Variants in TMED7 observed in about 807,000 individuals in gnomAD.
TMED7 encodes the protein transmembrane emp24 domain-containing protein 7.
In TMED7, 8 loss-of-function variants were observed where a neutral mutation model predicts 23.4. The ratio of observed to expected loss-of-function variants is 0.34; its 90% CI spans 0.20 to 0.62. The LOEUF is 0.62. Ranked by LOEUF, TMED7 falls within the 20% of genes least tolerant of loss-of-function variation. The pLI is 0.77. For missense variants in TMED7, 232 were observed against 279.1 expected, an observed-to-expected ratio of 0.83 and a Z score of 1.20; for synonymous variants, 121 against 108.5, an observed-to-expected ratio of 1.12 and a Z score of -0.72.
At chr5:115,621,480 T>C (rs1260701379) in intron 1 of TMED7, among the ~76,000 whole-genome samples, 1 of 152,188 alleles carries the variant, frequency 6.6e-6, no homozygotes, top group African/African-American at 2.4e-5. Flanking sequence ...ACAACAAGTC[T>C]GTTTATCTAG....
At chr5:115,623,401 A>G (rs1432965332) in intron 1 of TMED7, among the ~76,000 whole-genome samples, 1 of 152,256 alleles carries the variant, frequency 6.6e-6, no homozygotes, top group Non-Finnish European at 1.5e-5. Context: ...CATGAAGACC[A>G]GGAGCAAATC....
chr5:115,616,073 G>T lies in TMED7; in HGVS notation c.*136C>A. ...TGTCCTTTCCACAGTTTGGGAATAT[G>T]CATTGTACATCCCTCCCAACAAGTG... On this transcript the variant is annotated 3_prime_UTR_variant, in exon 3 of 3. Transcript: ENST00000456936. 3 of 844,754 alleles carry T rather than the reference G, an allele frequency of 3.6e-6. No individual in the cohort carries two copies. Among genetic ancestry groups the T allele is most frequent in the Non-Finnish European group, 5.6e-6 (3 of 533,380 alleles). 52.3% of individuals were successfully genotyped at this position (844,754 alleles called of 1,614,324 possible).
At chr5:115,617,858 A>G (rs761100350) in intron 2 of TMED7, among the ~76,000 whole-genome samples, 6 of 152,190 alleles carry the variant, frequency 3.9e-5, no homozygotes, top group Non-Finnish European at 7.3e-5. Context: ...CAATGGCGCA[A>G]TCTTGGCTCA....
Position 115,613,493 on chromosome 5 carries a change from GTAAAGTCAGTTTGTTGAAAGATTTTTTTT to G in TMED7, c.*2687_*2715del, listed in dbSNP as rs1158344575. The G allele has an allele frequency of 6.6e-6, 1 of 152,062 alleles. No individual in the cohort carries two copies. The highest frequency in any genetic ancestry group is 1.5e-5 in the Non-Finnish European group (1 of 67,976). 9.4% of individuals were successfully genotyped at this position (152,062 alleles called of 1,614,324 possible). A position where few individuals can be genotyped will look rare whatever the true frequency, so the allele number is the denominator to read the frequency against. On this transcript the variant is annotated 3_prime_UTR_variant, in exon 3 of 3. Coordinates refer to ENST00000456936, the MANE Select transcript of TMED7 (RefSeq NM_181836.6). ...AAGATTTAAATCCTGACAGAAACAA[GTAAAGTCAGTTTGTTGAAAGATTTTTTTT>G]TATTCTACAAGAAATTGATAGGTGC... is the stretch of plus-strand genomic sequence containing the variant.
chr5:115,615,892 T>G lies in TMED7; in HGVS notation c.*317A>C. 1 of 305,222 alleles carries G rather than the reference T, an allele frequency of 3.3e-6. No individual in the cohort carries two copies. The highest frequency in any genetic ancestry group is 6.2e-6 in the Non-Finnish European group (1 of 162,292). 18.9% of individuals were successfully genotyped at this position (305,222 alleles called of 1,614,324 possible). On this transcript the variant is annotated 3_prime_UTR_variant, in exon 3 of 3. Transcript: ENST00000456936. ...TATCAACTACCTATAAGAAAAGTAG[T>G]CTTAAATGGTTAAAAGGAATCAAAA...
At chr5:115,625,555 C>G in intron 1 of TMED7, 46 bp downstream of exon 1, 1 of 1,479,654 alleles carries the variant, frequency 6.8e-7, no homozygotes, top group Non-Finnish European at 9.0e-7. Context: ...CACCCCCAAT[C>G]CTGGAGCCGC....
At chr5:115,618,076 G>A (rs536799547) in intron 2 of TMED7, among the ~76,000 whole-genome samples, 1 of 152,318 alleles carries the variant, frequency 6.6e-6, no homozygotes, top group South Asian at 2.1e-4. Context: ...ACAGGCGTAA[G>A]CCACCACGCC....
chr5:115,622,575 C>T (rs1255450903), intron 1 of TMED7, among the ~76,000 whole-genome samples: 1 of 152,182 alleles, frequency 6.6e-6, no homozygotes, highest in Non-Finnish European at 1.5e-5. Flanking sequence ...CGTTAAACAG[C>T]ATACCTGGTC....
In TMED7 at chr5:115,613,336, G is replaced by A. The variant is rs932716185; in HGVS notation, c.*2873C>T. 1.3e-5 allele frequency among the ~76,000 whole-genome samples: 2 copies of A among 152,156 alleles called. No individual in the cohort carries two copies. Among genetic ancestry groups the A allele is most frequent in the Non-Finnish European group, 2.9e-5 (2 of 68,014 alleles). On this transcript the variant is annotated 3_prime_UTR_variant, in exon 3 of 3. Transcript: ENST00000456936. Reference sequence around the variant, plus strand: ...CAAAGAGAAGGTTACAAATTAGGCAGTACAGACGTGGTATTTCTCTTTCAC... The same window carrying A: ...CAAAGAGAAGGTTACAAATTAGGCAATACAGACGTGGTATTTCTCTTTCAC...
chr5:115,620,836 C>T (rs1408591511), intron 1 of TMED7, among the ~76,000 whole-genome samples, 156 bp from the exon 2 acceptor site: 3 of 152,148 alleles, frequency 2.0e-5, no homozygotes, highest in Admixed American at 1.3e-4. Flanking sequence ...GGAGATTTTA[C>T]TTCAACTAAA....
intron 1 of TMED7, among the ~76,000 whole-genome samples, chr5:115,624,145 CA>C (rs979880838): frequency 1.3e-5 from 2 of 152,148 alleles, no homozygotes; most frequent in African/African-American, 4.8e-5. Context: ...TCTGCATACA[CA>C]AAAATCCAGG....
At position 115,614,531 on chromosome 5, in the gene TMED7, T is replaced by C. The variant is rs1382679578; in HGVS notation, c.*1678A>G. The C allele has an allele frequency of 2.0e-5, 3 of 152,484 alleles. No individual in the cohort carries two copies. Among genetic ancestry groups the C allele is most frequent in the Non-Finnish European group, 4.4e-5 (3 of 67,964 alleles). 9.4% of individuals were successfully genotyped at this position (152,484 alleles called of 1,614,324 possible). A position where few individuals can be genotyped will look rare whatever the true frequency, so the allele number is the denominator to read the frequency against. On this transcript the variant is annotated 3_prime_UTR_variant, in exon 3 of 3. Transcript: ENST00000456936. ...GACACTTGCAAAGCCGCAAGACAAC[T>C]TCAGTACAAAAACCCAAATTGATAA...
At chr5:115,621,994 T>C (rs1005853180) in intron 1 of TMED7, among the ~76,000 whole-genome samples, 2 of 152,198 alleles carry the variant, frequency 1.3e-5, no homozygotes, top group African/African-American at 4.8e-5. Context: ...TATGCACTTA[T>C]GAAACTGTAA....
intron 1 of TMED7, among the ~76,000 whole-genome samples, chr5:115,621,383 C>T (rs934842245): frequency 6.6e-6 from 1 of 152,118 alleles, no homozygotes; most frequent in East Asian, 1.9e-4. Context: ...TCATTTACAA[C>T]CTTGTTTTGA....
In TMED7 at chr5:115,625,706, A is replaced by G. The variant is rs749242649; in HGVS notation, c.87T>C (p.Pro29=). ...CRLLALLLLV[P]GPGGASEITF... ...TGATCTCAGAGGCGCCGCCGGGTCC[A>G]GGCACCAGTAGCAGCAGTGCGAGCA... The change falls in exon 1 of 3, where the codon CCT becomes CCC. Residue 29 remains proline (P), a synonymous_variant. Transcript: ENST00000456936. The G allele has an allele frequency of 8.1e-6, 13 of 1,602,604 alleles. No homozygotes were observed. The highest frequency in any genetic ancestry group is 1.0e-5 in the Non-Finnish European group (12 of 1,175,744).
At position 115,625,746 on chromosome 5, in the gene TMED7, C is replaced by A. The variant is rs764715529; in HGVS notation, c.47G>T (p.Arg16Leu). Residue 16 changes from arginine to leucine, a missense_variant, in exon 1 of 3, where the codon CGT becomes CTT. Arg to Leu is a moderately radical substitution (Grantham distance 102). Coordinates refer to ENST00000456936, the MANE Select transcript of TMED7 (RefSeq NM_181836.6). Reference sequence around the variant, plus strand: ...CAGTGCGAGCAGCCTGCACCCCCAACGGCCCGCGACGGCCGCCCAGCGCTG... The same window carrying A: ...CAGTGCGAGCAGCCTGCACCCCCAAAGGCCCGCGACGGCCGCCCAGCGCTG... The part of the protein sequence containing the change: ...SAQRWAAVAG[R>L]WGCRLLALLL... The A allele has an allele frequency of 9.1e-6, 14 of 1,544,830 alleles. 1 individual carries two copies. Among genetic ancestry groups the A allele is most frequent in the East Asian group, 5.1e-5 (2 of 39,036 alleles).
intron 2 of TMED7, among the ~76,000 whole-genome samples, chr5:115,617,150 ATTT>A (rs1228604409): frequency 1.3e-5 from 2 of 152,202 alleles, no homozygotes; most frequent in African/African-American, 4.8e-5. Context: ...CTTTTTATAC[ATTT>A]ATTATACCAT....
chr5:115,625,662 T>G lies in TMED7; in HGVS notation c.131A>C (p.Asn44Thr), dbSNP rs1177830057. 1 of 1,602,912 alleles carries G rather than the reference T, an allele frequency of 6.2e-7. No individual in the cohort carries two copies. ...GTCCTCGTAGAAGCACTGCTTGGCG[T>G]TGTCAGGAAGCTCGAAGGTGATCTC... ...ASEITFELPD[N>T]AKQCFYEDIA... is the part of the protein sequence containing the mutation. The change falls in exon 1 of 3, where the codon AAC (asparagine) becomes ACC (threonine). Residue 44 changes from asparagine to threonine, a missense_variant. This residue lies in a region of TMED7 where 106 missense variants were observed against 97.0 expected (regional missense o/e 1.09). Coordinates refer to ENST00000456936, the MANE Select transcript of TMED7 (RefSeq NM_181836.6).
rs1158450298 is a variant in TMED7, at chr5:115,613,513, GA to G, written c.*2695del. Reference sequence around the variant, plus strand: ...AACAAGTAAAGTCAGTTTGTTGAAAGATTTTTTTTTATTCTACAAGAAATTG... The same window carrying G: ...AACAAGTAAAGTCAGTTTGTTGAAAGTTTTTTTTTATTCTACAAGAAATTG... On this transcript the variant is annotated 3_prime_UTR_variant, in exon 3 of 3. Transcript: ENST00000456936. 1 of 151,968 alleles carries G rather than the reference GA, an allele frequency of 6.6e-6. No homozygotes were observed. The highest frequency in any genetic ancestry group is 1.5e-5 in the Non-Finnish European group (1 of 67,942). 9.4% of individuals were successfully genotyped at this position (151,968 alleles called of 1,614,324 possible).
Sources: gnomAD v4.1 joint callset for allele counts (sites outside exome capture counted in the v4.1 genomes callset) on GRCh38, gnomAD v4.1.1 for gene constraint, gnomAD v4.1.1 regional missense constraint, MANE v1.5 for transcripts, NCBI Gene and HGNC (gene_info 2026-07-23, HGNC 2026-07-21) for gene names.